Variants in GFAP observed in about 807,000 individuals in gnomAD.
GFAP encodes the protein intermediate filament protein.
In GFAP, 38 loss-of-function variants were observed where a neutral mutation model predicts 49.3. The ratio of observed to expected loss-of-function variants is 0.77; its 90% CI spans 0.60 to 1.01. The LOEUF (loss-of-function observed/expected upper bound fraction) is 1.01, where lower values mean the gene tolerates loss of function less well. Ranked by LOEUF, GFAP falls within the 50% of genes least tolerant of loss-of-function variation. GFAP has a pLI of 0.00. For synonymous variants in GFAP, 222 were observed against 236.4 expected, an observed-to-expected ratio of 0.94 and a Z score of 0.56; for missense variants, 463 against 579.1, an observed-to-expected ratio of 0.80 and a Z score of 2.06.
At chr17:44,913,083 A>G (rs1398375412) in intron 4 of GFAP, 186 bp downstream of exon 4, 4 of 678,646 alleles carry the variant, frequency 5.9e-6, no homozygotes, top group Non-Finnish European at 1.1e-5. Flanking sequence ...AGCAGTAATA[A>G]TAATGGGTAC....
At chr17:44,913,212 T>G (rs1358720910) in intron 4 of GFAP, 57 bp downstream of exon 4, 10 of 1,539,912 alleles carry the variant, frequency 6.5e-6, no homozygotes, top group Non-Finnish European at 8.1e-6. Flanking sequence ...CCCATTCTCT[T>G]GTACAGAGCA....
chr17:44,911,757 A>C lies in GFAP; in HGVS notation c.821T>G (p.Leu274Arg), dbSNP rs1452465921. ...LTDAAARNAE[L>R]LRQAKHEAND... is the part of the protein sequence containing the mutation. ...GGCTTCGTGCTTGGCCTGGCGGAGC[A>C]GCTCCGCGTTGCGGGCAGCAGCGTC... Residue 274 changes from leucine to arginine, a missense_variant, in exon 5 of 9, where the codon CTG becomes CGG. This residue lies in a region of GFAP where 362 missense variants were observed against 445.5 expected (regional missense o/e 0.81). Coordinates refer to ENST00000588735, the MANE Select transcript of GFAP (RefSeq NM_002055.5). 1 of 1,613,920 alleles carries C rather than the reference A, an allele frequency of 6.2e-7. No individual in the cohort carries two copies.
intron 7 of GFAP, 185 bp from the exon 8 acceptor site, chr17:44,908,334 C>CCCAAGGCCTGGCTGCTCTGTCCAGT: frequency 1.8e-6 from 1 of 565,490 alleles, no homozygotes. Context: ...AGTGCTGCTG[C>CCCAAGGCCTGGCTGCTCTGTCCAGT]CAGAGTCCTG....
At chr17:44,914,752 G>A (rs550630194) in intron 1 of GFAP, 23 of 521,856 alleles carry the variant, frequency 4.4e-5, no homozygotes, top group Admixed American at 6.7e-5. Flanking sequence ...AAACACAGGG[G>A]CCCCGCTGCT....
At chr17:44,910,477 G>T in intron 7 of GFAP, 138 bp downstream of exon 7, 2 of 1,555,564 alleles carry the variant, frequency 1.3e-6, no homozygotes, top group Non-Finnish European at 1.7e-6. Flanking sequence ...GGCTAGGAGC[G>T]CTGCAGTGTC....
Position 44,905,238 on chromosome 17 carries a change from G to T in GFAP, c.*2109C>A, listed in dbSNP as rs560244467. The T allele has an allele frequency of 2.9e-5, 18 of 623,072 alleles. No individual in the cohort carries two copies. The highest frequency in any genetic ancestry group is 1.5e-4 in the Admixed American group (5 of 32,572). The allele number at this position is 623,072 out of a possible 1,614,324, so 38.6% of individuals were successfully genotyped here. A position where few individuals can be genotyped will look rare whatever the true frequency, so the allele number is the denominator to read the frequency against. ...TGGGCAGGTCTGGGACCTGATCTGA[G>T]AAGTGGAGGGGCCTGAGGCTGGTGG... On this transcript the variant is annotated 3_prime_UTR_variant, in exon 9 of 9. Coordinates refer to ENST00000588735, the MANE Select transcript of GFAP (RefSeq NM_002055.5).
At position 44,903,522 on chromosome 17, in the gene GFAP, G is replaced by A. The variant is rs1162483858; in HGVS notation, c.*3825C>T. On this transcript the variant is annotated 3_prime_UTR_variant, in exon 9 of 9. Coordinates refer to ENST00000588735, the MANE Select transcript of GFAP (RefSeq NM_002055.5). The stretch of plus-strand genomic sequence containing the variant: ...CACCTCGGCCCGCCCTTCTCATTCC[G>A]GTTTCCTTTGACCCATTCTTGGGTG... The A allele has an allele frequency of 6.2e-6, 8 of 1,284,478 alleles. No individual in the cohort carries two copies. The highest frequency in any genetic ancestry group is 7.8e-6 in the Non-Finnish European group (8 of 1,019,308). 79.6% of individuals were successfully genotyped at this position (1,284,478 alleles called of 1,614,324 possible).
intron 7 of GFAP, 26 bp from the exon 8 acceptor site, chr17:44,908,175 C>G: frequency 6.5e-7 from 1 of 1,531,662 alleles, no homozygotes; most frequent in Non-Finnish European, 9.0e-7. Flanking sequence ...GAGGAGGCCT[C>G]TCATGGACTT....
intron 7 of GFAP, chr17:44,909,780 A>T: frequency 8.9e-7 from 1 of 1,117,882 alleles, no homozygotes; most frequent in South Asian, 2.8e-5. Flanking sequence ...ATGGAGCCTC[A>T]GGGATGAAAG....
intron 7 of GFAP, 86 bp from the exon 8 acceptor site, chr17:44,908,235 C>T (rs544149721): frequency 7.8e-6 from 7 of 893,804 alleles, no homozygotes; most frequent in Admixed American, 5.2e-5. Context: ...ATCGCACCCC[C>T]CTCCCCATCA....
Position 44,904,948 on chromosome 17 carries a change from G to T in GFAP, c.*2399C>A. 6.4e-7 allele frequency: 1 copy of T among 1,550,700 alleles called. No homozygotes were observed. Among genetic ancestry groups the T allele is most frequent in the South Asian group, 1.2e-5 (1 of 84,058 alleles). Reference sequence around the variant, plus strand: ...ACCCAGCCTCGTTCTCAGATCCTGAGACTCGCTCGGCTGTGGAGCTCACCC... The same window carrying T: ...ACCCAGCCTCGTTCTCAGATCCTGATACTCGCTCGGCTGTGGAGCTCACCC... On this transcript the variant is annotated 3_prime_UTR_variant, in exon 9 of 9. Transcript: ENST00000588735.
Position 44,904,464 on chromosome 17 carries a change from T to C in GFAP, c.*2883A>G. On this transcript the variant is annotated 3_prime_UTR_variant, in exon 9 of 9. Transcript: ENST00000588735. ...TACCTCAAGGCCGTGCCCGATGTGGTGTCTTGTGGCTCAAGGGCTGTGCCA... is the reference window on the plus strand; with the variant it reads ...TACCTCAAGGCCGTGCCCGATGTGGCGTCTTGTGGCTCAAGGGCTGTGCCA... 1 of 1,544,904 alleles carries C rather than the reference T, an allele frequency of 6.5e-7. No individual in the cohort carries two copies. Among genetic ancestry groups the C allele is most frequent in the Non-Finnish European group, 8.7e-7 (1 of 1,142,918 alleles).
In GFAP at chr17:44,905,335, G is replaced by A. The variant is rs1313066537; in HGVS notation, c.*2012C>T. 1 of 483,984 alleles carries A rather than the reference G, an allele frequency of 2.1e-6. No homozygotes were observed. The highest frequency in any genetic ancestry group is 3.8e-5 in the East Asian group (1 of 26,572). 30.0% of individuals were successfully genotyped at this position (483,984 alleles called of 1,614,324 possible). The stretch of plus-strand genomic sequence containing the variant: ...CTGACTTCACATTTAGGTCAGAGAA[G>A]GAAAGTGTGAACTCAGATTTATCCA... On this transcript the variant is annotated 3_prime_UTR_variant, in exon 9 of 9. Transcript: ENST00000588735.
intron 7 of GFAP, chr17:44,910,258 CCCCTGT>C: frequency 6.2e-7 from 1 of 1,613,912 alleles, no homozygotes; most frequent in Non-Finnish European, 8.5e-7. Context: ...GTGCTTTTGC[CCCCTGT>C]AGTGACAAGC....
At position 44,910,614 on chromosome 17, in the gene GFAP, C is replaced by A; in HGVS notation, c.1171+1G>T. On this transcript the variant is annotated splice_donor_variant, in intron 7 of 8. Coordinates refer to ENST00000588735, the MANE Select transcript of GFAP (RefSeq NM_002055.5). LOFTEE classifies it high-confidence loss of function. ...TTCCCACGAGGCCCTGCTGTACTGA[C>A]CTCGAATCTGCAGGTTGGAGAAGGT... The A allele has an allele frequency of 6.3e-7, 1 of 1,577,026 alleles. No homozygotes were observed. The highest frequency in any genetic ancestry group is 8.6e-7 in the Non-Finnish European group (1 of 1,160,744).
chr17:44,915,044 A>G lies in GFAP; in HGVS notation c.443T>C (p.Leu148Pro). The change falls in exon 1 of 9, where the codon CTG (leucine) becomes CCG (proline). Residue 148 changes from leucine to proline, a missense_variant. By Grantham distance (98) the Leu-to-Pro change is moderately conservative (BLOSUM62 -3). This residue lies in a region of GFAP where 362 missense variants were observed against 445.5 expected (regional missense o/e 0.81). Transcript: ENST00000588735. This position sits in a 1 kb window ranked among gnomAD's most constrained non-coding sequence, Gnocchi z 4.1. ...TCCTCACTTCTGCCTCACAGTGGCC[A>G]GGTCCTGTGCCAGATTGTCCCTCTC... is the stretch of plus-strand genomic sequence containing the variant. ...EVERDNLAQDLATVRQKLQDE... is the reference protein window; with the variant it reads ...EVERDNLAQDPATVRQKLQDE... 1 of 1,611,482 alleles carries G rather than the reference A, an allele frequency of 6.2e-7. No individual in the cohort carries two copies. Among genetic ancestry groups the G allele is most frequent in the Non-Finnish European group, 8.5e-7 (1 of 1,179,612 alleles).
At chr17:44,914,939 G>C in intron 1 of GFAP, 87 bp downstream of exon 1, 2 of 1,215,210 alleles carry the variant, frequency 1.6e-6, no homozygotes, top group Non-Finnish European at 2.4e-6. Flanking sequence ...GGGAGGTTCG[G>C]CCCCTCCCTG....
chr17:44,913,841 G>A lies in GFAP; in HGVS notation c.523-18C>T, dbSNP rs2051837500. ...TCTGCTTCCTGGAGTGGCAGGAGGG[G>A]TGAGGAGTAGAGGGCCACTGGGGCC... On this transcript the variant is annotated intron_variant, in intron 2 of 8. Transcript: ENST00000588735. The A allele has an allele frequency of 4.4e-6, 7 of 1,600,246 alleles. No individual in the cohort carries two copies. Among genetic ancestry groups the A allele is most frequent in the Non-Finnish European group, 6.0e-6 (7 of 1,167,426 alleles).
chr17:44,909,771 T>C (rs2051715764), intron 7 of GFAP: 1 of 1,105,328 alleles, frequency 9.0e-7, no homozygotes, highest in Admixed American at 4.6e-5. Flanking sequence ...AGCTGAGCGA[T>C]GGAGCCTCAG....
Sources: allele counts gnomAD v4.1 joint callset, GRCh38; gene constraint gnomAD v4.1.1; regional missense constraint gnomAD v4.1.1; non-coding constraint Gnocchi (gnomAD v3.1); transcripts MANE v1.5; gene names NCBI Gene and HGNC (gene_info 2026-07-23, HGNC 2026-07-21).